The following TIAM2 variants were observed in gnomAD, a reference collection of about 807,000 sequenced individuals.
TIAM2 encodes TIAM Rac1 associated GEF 2, also known as rho guanine nucleotide exchange factor TIAM2.
Under a neutral mutation model 152.9 loss-of-function variants are expected in TIAM2, and 80 were observed. That is an observed-to-expected ratio of 0.52 (90% CI 0.44 to 0.63). The LOEUF is 0.63. TIAM2 is among the 30% of genes least tolerant of loss of function. The probability of loss-of-function intolerance (pLI) is 0.00; values close to 1 mark genes in which losing one functional copy is unlikely to be tolerated. For missense variants in TIAM2, 1,965 were observed against 2,120.1 expected (o/e 0.93, Z 1.44); for synonymous variants, 804 against 838.0 (o/e 0.96, Z 0.70).
At chr6:155,150,814 G>T (rs1441345849) in intron 7 of TIAM2, among the ~76,000 whole-genome samples, 3 of 152,084 alleles carry the variant, frequency 2.0e-5, no homozygotes, top group Non-Finnish European at 4.4e-5. Flanking sequence ...TCCGGGCCGC[G>T]TTTTATAAGG....
chr6:155,199,889 G>C (rs932512905), intron 14 of TIAM2, among the ~76,000 whole-genome samples: 24 of 152,168 alleles, frequency 1.6e-4, no homozygotes, highest in Non-Finnish European at 2.6e-4. Flanking sequence ...TGATGGAGCA[G>C]AGATGTGTTA....
chr6:155,059,280 T>TGCTGTGTGTGTG (rs1562303718), intron 1 of TIAM2, among the ~76,000 whole-genome samples: 14 of 119,764 alleles, frequency 1.2e-4, no homozygotes, highest in Admixed American at 4.4e-4. Context: ...GAATGTCCCT[T>TGCTGTGTGTGTG]TCTGTGTGTG....
At chr6:155,127,307 G>A (rs1779317403) in intron 2 of TIAM2, among the ~76,000 whole-genome samples, 183 bp from the exon 3 acceptor site, 1 of 152,172 alleles carries the variant, frequency 6.6e-6, no homozygotes, top group Admixed American at 6.5e-5. Flanking sequence ...GACTGGGTGG[G>A]CAGTTCTGGC....
At chr6:155,099,048 G>A (rs368272328) in intron 2 of TIAM2, among the ~76,000 whole-genome samples, 11 of 152,228 alleles carry the variant, frequency 7.2e-5, no homozygotes, top group African/African-American at 1.9e-4. Flanking sequence ...TTAGTCGGGC[G>A]TGGTGGCACA....
intron 19 of TIAM2, among the ~76,000 whole-genome samples, chr6:155,247,349 G>A (rs904177630): frequency 3.9e-5 from 6 of 151,986 alleles, no homozygotes; most frequent in African/African-American, 1.4e-4. Flanking sequence ...TTTTTTTTGA[G>A]ATGGAGTCTC....
chr6:155,172,663 T>TAGATATATAGATATATAG (rs1351278108), intron 9 of TIAM2, among the ~76,000 whole-genome samples: 11 of 7,950 alleles, frequency 1.4e-3, no homozygotes, highest in African/African-American at 4.5e-3. Flanking sequence ...TATATATATA[T>TAGATATATAGATATATAG]ATATATATAT....
At chr6:155,060,019 G>A (rs59375419) in intron 1 of TIAM2, among the ~76,000 whole-genome samples, 6,199 of 152,230 alleles carry the variant, frequency 0.041, 407 homozygotes, top group African/African-American at 0.14. Context: ...AGTTTCACCC[G>A]CTGCCTACTA....
At chr6:155,168,819 A>G in intron 9 of TIAM2, 2 of 1,525,052 alleles carry the variant, frequency 1.3e-6, no homozygotes, top group Non-Finnish European at 1.8e-6. Flanking sequence ...CCATTTCATT[A>G]GTCTTTTTCC....
intron 1 of TIAM2, among the ~76,000 whole-genome samples, chr6:155,059,411 C>T (rs2114936076): frequency 6.6e-6 from 1 of 152,112 alleles, no homozygotes; most frequent in Admixed American, 6.6e-5. Context: ...GGGACCTCCG[C>T]CTCCCAGGTT....
intron 24 of TIAM2, 85 bp from the exon 25 acceptor site, chr6:155,253,888 G>A: frequency 2.0e-6 from 2 of 984,390 alleles, no homozygotes. Context: ...TTTCTTAACT[G>A]ATGAGATTTC....
intron 23 of TIAM2, among the ~76,000 whole-genome samples, 200 bp from the exon 24 acceptor site, chr6:155,252,748 A>G (rs1562375584): frequency 6.6e-6 from 1 of 152,112 alleles, no homozygotes; most frequent in Non-Finnish European, 1.5e-5. Flanking sequence ...CTGAACCACA[A>G]CTCTGCCTCC....
chr6:154,998,035 TTTATC>T (rs1248736060), intron 1 of TIAM2, among the ~76,000 whole-genome samples: 1 of 152,216 alleles, frequency 6.6e-6, no homozygotes, highest in African/African-American at 2.4e-5. Flanking sequence ...TTCAGTTTGC[TTTATC>T]TTATGTCTGG....
intron 2 of TIAM2, among the ~76,000 whole-genome samples, chr6:155,103,384 T>C (rs1221816555): frequency 6.6e-6 from 1 of 152,092 alleles, no homozygotes; most frequent in Non-Finnish European, 1.5e-5. Context: ...GGGATCTACA[T>C]ATAAAATGTA....
chr6:155,104,193 C>T (rs1478431094), intron 2 of TIAM2, among the ~76,000 whole-genome samples: 25 of 151,996 alleles, frequency 1.6e-4, no homozygotes, highest in Non-Finnish European at 4.4e-5. Flanking sequence ...TGTGCTGCCG[C>T]CTGTTGCTGG....
At chr6:155,076,324 C>A (rs1159931129) in intron 1 of TIAM2, among the ~76,000 whole-genome samples, 1 of 152,028 alleles carries the variant, frequency 6.6e-6, no homozygotes, top group African/African-American at 2.4e-5. Flanking sequence ...CTCTTCCCAC[C>A]CTGCACCATC....
intron 7 of TIAM2, among the ~76,000 whole-genome samples, chr6:155,154,963 G>A (rs3828726): frequency 0.54 from 82,410 of 152,000 alleles, 22,495 homozygotes; most frequent in South Asian, 0.59. Flanking sequence ...CGAGGATACT[G>A]TGGTGTATTT....
chr6:155,013,952 A>ACACACACACACC (rs1491137664), intron 1 of TIAM2: 4 of 151,184 alleles, frequency 2.6e-5, no homozygotes, highest in Non-Finnish European at 5.9e-5. Context: ...ACACACACAC[A>ACACACACACACC]CCTGAGATGG....
intron 14 of TIAM2, among the ~76,000 whole-genome samples, chr6:155,209,466 G>A (rs1298071197): frequency 2.0e-5 from 3 of 152,108 alleles, no homozygotes; most frequent in African/African-American, 7.2e-5. Flanking sequence ...TGTGGTTGAG[G>A]GTCTCATCTT....
Position 155,248,075 on chromosome 6 carries a change from C to T in TIAM2, c.3728C>T (p.Ser1243Phe). Residue 1243 changes from serine (S) to phenylalanine (F), a missense_variant, in exon 20 of 27, where the codon TCC (serine) becomes TTC (phenylalanine). Transcript: ENST00000682666. The stretch of plus-strand genomic sequence containing the variant: ...AAGCAGCATTCCTCCACGCTGGAGT[C>T]CTACCTCATCAAGCCGGTTCAGAGA... The part of the protein sequence containing the change: ...PTKQHSSTLE[S>F]YLIKPVQRVL... The T allele has an allele frequency of 1.9e-6, 3 of 1,614,226 alleles. No homozygotes were observed. The highest frequency in any genetic ancestry group is 2.5e-6 in the Non-Finnish European group (3 of 1,180,036).
Sources: allele counts gnomAD v4.1 joint callset (sites outside exome capture counted in the v4.1 genomes callset), GRCh38; gene constraint gnomAD v4.1.1; transcripts MANE v1.5; gene names NCBI Gene and HGNC (gene_info 2026-07-23, HGNC 2026-07-21).